The following TMEM232 variants were observed in gnomAD, a reference collection of about 807,000 sequenced individuals.
TMEM232 encodes the protein transmembrane protein 232.
In TMEM232, 80 loss-of-function variants were observed where a neutral mutation model predicts 78.8. The ratio of observed to expected loss-of-function variants is 1.01; its 90% CI spans 0.85 to 1.22. TMEM232 has a LOEUF of 1.22. Among genes scored for constraint, TMEM232 ranks in the 50% most tolerant of loss-of-function variants. The pLI is 0.00. For synonymous variants in TMEM232, 297 were observed against 254.3 expected (o/e 1.17, Z -1.60); for missense variants, 881 against 742.2 (o/e 1.19, Z -2.17).
intron 12 of TMEM232, among the ~76,000 whole-genome samples, chr5:110,432,172 C>G (rs1466733678): frequency 6.6e-6 from 1 of 151,402 alleles, no homozygotes; most frequent in Non-Finnish European, 1.5e-5. Context: ...ATCCCCATGG[C>G]AAATAGTCAA....
At chr5:110,560,975 T>G (rs1775669663) in intron 11 of TMEM232, among the ~76,000 whole-genome samples, 1 of 152,076 alleles carries the variant, frequency 6.6e-6, no homozygotes, top group South Asian at 2.1e-4. Context: ...ACTTATAGAG[T>G]GCCATAGGTA....
intron 11 of TMEM232, among the ~76,000 whole-genome samples, chr5:110,542,879 C>T (rs546601355): frequency 2.0e-5 from 3 of 152,168 alleles, no homozygotes; most frequent in African/African-American, 4.8e-5. Flanking sequence ...TCAGACTGAT[C>T]GTGGGCCACT....
At chr5:110,515,344 A>G (rs551563297) in intron 12 of TMEM232, among the ~76,000 whole-genome samples, 22 of 152,268 alleles carry the variant, frequency 1.4e-4, no homozygotes, top group African/African-American at 3.9e-4. Context: ...CAATGATTCA[A>G]TGCTTTCTTT....
At chr5:110,497,516 A>T (rs897036875) in intron 12 of TMEM232, among the ~76,000 whole-genome samples, 2 of 152,154 alleles carry the variant, frequency 1.3e-5, no homozygotes, top group Non-Finnish European at 2.9e-5. Context: ...ATACCAATCA[A>T]ACATGTTCTA....
chr5:110,678,444 A>C (rs1432250670), intron 1 of TMEM232, among the ~76,000 whole-genome samples: 1 of 152,116 alleles, frequency 6.6e-6, no homozygotes, highest in East Asian at 1.9e-4. Context: ...TCCAACTCCC[A>C]TACTTGCTCA....
intron 12 of TMEM232, among the ~76,000 whole-genome samples, chr5:110,466,389 A>G (rs1424904502): frequency 6.6e-6 from 1 of 152,138 alleles, no homozygotes; most frequent in Non-Finnish European, 1.5e-5. Flanking sequence ...ATTTGGCAAA[A>G]AATCAGAGAA....
chr5:110,402,472 G>C (rs1187878166), intron 2 of TMEM232, among the ~76,000 whole-genome samples: 4 of 152,022 alleles, frequency 2.6e-5, no homozygotes, highest in Admixed American at 2.6e-4. Flanking sequence ...GACTAACTTG[G>C]AACATTTCTA....
intron 12 of TMEM232, among the ~76,000 whole-genome samples, chr5:110,505,587 A>T (rs571193583): frequency 1.3e-5 from 2 of 152,196 alleles, no homozygotes; most frequent in African/African-American, 4.8e-5. Flanking sequence ...GCTCACTGCA[A>T]CCTCCACCAC....
intron 12 of TMEM232, among the ~76,000 whole-genome samples, chr5:110,482,553 C>G (rs1007715375): frequency 3.4e-5 from 5 of 149,206 alleles, no homozygotes; most frequent in Admixed American, 6.6e-5. Flanking sequence ...TGCACTCCAG[C>G]CTGGGCGACA....
downstream of TMEM232, among the ~76,000 whole-genome samples, chr5:110,415,266 C>A (rs962698790): frequency 4.0e-5 from 6 of 151,722 alleles, no homozygotes; most frequent in Admixed American, 2.6e-4. Flanking sequence ...CGGTTCACTG[C>A]AAGCTCTGCC....
chr5:110,616,279 A>G (rs1782921137), intron 8 of TMEM232, among the ~76,000 whole-genome samples: 2 of 152,076 alleles, frequency 1.3e-5, no homozygotes, highest in African/African-American at 4.8e-5. Context: ...TTTATGGTCA[A>G]TTCATTTTTG....
rs1374134841 is a variant in TMEM232, at chr5:110,693,652, C to T, written c.-12-26288G>A. ...AAACCACGGCACAACAACTACGTGA[C>T]GAATCCACAAGCCTCAGTAGCCGAT... On this transcript the variant is annotated intron_variant, in intron 1 of 13. Transcript: ENST00000455884. 6.6e-5 allele frequency among the ~76,000 whole-genome samples: 10 copies of T among 152,082 alleles called. No homozygotes were observed. In the South Asian group the frequency reaches 1.0e-3, roughly 16 times the overall value.
intron 11 of TMEM232, among the ~76,000 whole-genome samples, chr5:110,548,539 G>A (rs1052654900): frequency 1.3e-4 from 19 of 151,290 alleles, no homozygotes; most frequent in African/African-American, 2.2e-4. Flanking sequence ...TAAAGGGGGC[G>A]GGGTGGAATG....
At chr5:110,549,368 GT>G (rs1774176441) in intron 11 of TMEM232, among the ~76,000 whole-genome samples, 2 of 151,990 alleles carry the variant, frequency 1.3e-5, no homozygotes, top group South Asian at 4.2e-4. Context: ...TAATCCCAGT[GT>G]TTTGAGGGGC....
At chr5:110,689,649 G>T (rs1396211142) in intron 1 of TMEM232, among the ~76,000 whole-genome samples, 2 of 151,958 alleles carry the variant, frequency 1.3e-5, no homozygotes, top group Non-Finnish European at 2.9e-5. Flanking sequence ...AATTTCATAT[G>T]GAACCAAAAA....
intron 1 of TMEM232, among the ~76,000 whole-genome samples, chr5:110,686,617 T>C (rs900752993): frequency 1.3e-5 from 2 of 152,060 alleles, no homozygotes; most frequent in East Asian, 3.9e-4. Context: ...CCAGAACCCT[T>C]ATTGAGTTGT....
chr5:110,660,057 C>T (rs1051581047), intron 2 of TMEM232, among the ~76,000 whole-genome samples: 1 of 151,872 alleles, frequency 6.6e-6, no homozygotes, highest in Non-Finnish European at 1.5e-5. Flanking sequence ...AAAGATACAT[C>T]CATAGATTCA....
At chr5:110,667,159 T>G (rs1580582860) in intron 2 of TMEM232, 69 bp downstream of exon 2, 2 of 1,300,398 alleles carry the variant, frequency 1.5e-6, no homozygotes, top group East Asian at 5.7e-5. Flanking sequence ...TGAATTTTTT[T>G]TTTCAGTTTT....
chr5:110,692,030 C>T (rs1433906854), intron 1 of TMEM232, among the ~76,000 whole-genome samples: 3 of 152,172 alleles, frequency 2.0e-5, no homozygotes, highest in Non-Finnish European at 4.4e-5. Context: ...AAGCCATTCT[C>T]TTGCCTCAGC....
Sources: allele counts gnomAD v4.1 joint callset (sites outside exome capture counted in the v4.1 genomes callset), GRCh38; gene constraint gnomAD v4.1.1; transcripts MANE v1.5; gene names NCBI Gene and HGNC (gene_info 2026-07-23, HGNC 2026-07-21).